ERBB4: variants seen among roughly 807,000 people sequenced by gnomAD.
The protein encoded by ERBB4 is receptor tyrosine-protein kinase erbB-4.
In ERBB4, 42 loss-of-function variants were observed where a neutral mutation model predicts 158.0. The ratio of observed to expected loss-of-function variants is 0.27; its 90% confidence interval spans 0.21 to 0.34. The LOEUF (loss-of-function observed/expected upper bound fraction) is 0.34. Among genes scored for constraint, ERBB4 ranks in the 10% least tolerant of loss-of-function variants. The pLI is 1.00. For missense variants in ERBB4, 1,333 were observed against 1,624.1 expected (o/e 0.82, Z 3.08); for synonymous variants, 583 against 558.7 (o/e 1.04, Z -0.61).
At chr2:211,552,771 T>G (rs2067134636) in intron 20 of ERBB4, among the ~76,000 whole-genome samples, 1 of 152,168 alleles carries the variant, frequency 6.6e-6, no homozygotes, top group Non-Finnish European at 1.5e-5. Flanking sequence ...AAAGATAGTT[T>G]CCTTAGAGCA....
chr2:211,490,849 A>G (rs73069182), intron 20 of ERBB4, among the ~76,000 whole-genome samples: 3,230 of 152,218 alleles, frequency 0.021, 136 homozygotes, highest in African/African-American at 0.074. Context: ...TGTTCTCAAG[A>G]AAAGTATTAC....
intron 1 of ERBB4, among the ~76,000 whole-genome samples, chr2:212,374,464 G>A (rs1042958788): frequency 6.6e-6 from 1 of 151,988 alleles, no homozygotes. Context: ...GTGACCAAGT[G>A]TGAACTTGCA....
chr2:211,565,644 G>A (rs73075194), intron 19 of ERBB4, among the ~76,000 whole-genome samples: 2,204 of 152,246 alleles, frequency 0.014, 37 homozygotes, highest in African/African-American at 0.042. Context: ...TTTTACCGCT[G>A]TTGAGTTCAG....
intron 20 of ERBB4, among the ~76,000 whole-genome samples, chr2:211,554,896 C>A (rs185451048): frequency 6.6e-6 from 1 of 152,226 alleles, no homozygotes; most frequent in Admixed American, 6.5e-5. Flanking sequence ...AAATTAATAC[C>A]TGAGTTAAAC....
chr2:212,433,707 A>C (rs1217427908), intron 1 of ERBB4, among the ~76,000 whole-genome samples: 1 of 152,020 alleles, frequency 6.6e-6, no homozygotes, highest in African/African-American at 2.4e-5. Context: ...TATATATATT[A>C]ATATCTTGAA....
chr2:211,839,284 G>A (rs539525236), intron 3 of ERBB4, among the ~76,000 whole-genome samples: 103 of 151,802 alleles, frequency 6.8e-4, no homozygotes, highest in Middle Eastern at 3.4e-3. Flanking sequence ...CACCCTTCAC[G>A]CTCATATTTC....
At chr2:212,286,084 C>A (rs1211759665) in intron 1 of ERBB4, among the ~76,000 whole-genome samples, 1 of 152,116 alleles carries the variant, frequency 6.6e-6, no homozygotes, top group East Asian at 1.9e-4. Flanking sequence ...CCTTGAGTGT[C>A]TCCTCATAAT....
intron 1 of ERBB4, among the ~76,000 whole-genome samples, chr2:212,326,182 C>G (rs2087821192): frequency 6.6e-6 from 1 of 150,634 alleles, no homozygotes; most frequent in African/African-American, 2.4e-5. Flanking sequence ...ATCCATAAAA[C>G]ACTTCAGGTC....
At chr2:212,170,417 G>A (rs111587551) in intron 1 of ERBB4, among the ~76,000 whole-genome samples, 1 of 152,186 alleles carries the variant, frequency 6.6e-6, no homozygotes, top group Non-Finnish European at 1.5e-5. Context: ...CAATAGAAAA[G>A]AGAAACCCAT....
Position 211,505,469 on chromosome 2 carries a change from G to A in ERBB4, c.2487+56434C>T, listed in dbSNP as rs1360564291. Among the ~76,000 whole-genome samples the A allele has an allele frequency of 4.7e-5, 7 of 149,956 alleles. No individual in the cohort carries two copies. In the South Asian group the frequency reaches 8.5e-4, roughly 18 times the overall value. On this transcript the variant is annotated intron_variant, in intron 20 of 27. Transcript: ENST00000342788. ...TTATGTTCAAAGGAATTCTAAACAC[G>A]AAAATGAAAGAATGATACTCACCAT...
chr2:212,341,926 T>C (rs2088736318), intron 1 of ERBB4, among the ~76,000 whole-genome samples: 1 of 152,116 alleles, frequency 6.6e-6, no homozygotes, highest in African/African-American at 2.4e-5. Context: ...TTTTATTTTT[T>C]AGAAATAATA....
intron 3 of ERBB4, among the ~76,000 whole-genome samples, chr2:211,905,728 G>T (rs2079370753): frequency 1.1e-5 from 1 of 88,792 alleles, no homozygotes; most frequent in Admixed American, 1.1e-4. Context: ...GTGTGTGTAT[G>T]TGTGTGCATG....
chr2:211,400,443 AC>A lies in ERBB4; in HGVS notation c.3136-12452del, dbSNP rs571934903. The stretch of plus-strand genomic sequence containing the variant: ...CCACAATAAAAGTATTTGCACAGTG[AC>A]ATGATTATCTGTGTGAGGGTAGAGG... On this transcript the variant is annotated intron_variant, in intron 25 of 27. Transcript: ENST00000342788. Among the ~76,000 whole-genome samples the A allele has an allele frequency of 6.6e-4, 101 of 152,262 alleles. 2 individuals are homozygous for A. The highest frequency in any genetic ancestry group is 7.8e-4 in the Non-Finnish European group (53 of 68,010).
In ERBB4 at chr2:211,380,543, A is replaced by G. The variant is rs2062557521; in HGVS notation, c.*3072T>C. The G allele has an allele frequency of 8.6e-6, 2 of 232,122 alleles. No individual in the cohort carries two copies. Among genetic ancestry groups the G allele is most frequent in the Non-Finnish European group, 1.7e-5 (2 of 117,442 alleles). 14.4% of individuals were successfully genotyped at this position (232,122 alleles called of 1,614,324 possible). Reference sequence around the variant, plus strand: ...TTGAAGACTTTAACTGACATTTTAAAATTCTACCCTACTGGACTAAATAAG... The same window carrying G: ...TTGAAGACTTTAACTGACATTTTAAGATTCTACCCTACTGGACTAAATAAG... On this transcript the variant is annotated 3_prime_UTR_variant, in exon 28 of 28. Transcript: ENST00000342788.
chr2:211,805,078 C>T (rs2076586126), intron 3 of ERBB4, among the ~76,000 whole-genome samples: 1 of 152,238 alleles, frequency 6.6e-6, no homozygotes, highest in South Asian at 2.1e-4. Flanking sequence ...TGCCACCACA[C>T]TCAGCTAAAT....
chr2:211,494,083 A>G (rs537175176), intron 20 of ERBB4, among the ~76,000 whole-genome samples: 2 of 152,102 alleles, frequency 1.3e-5, no homozygotes, highest in South Asian at 4.2e-4. Flanking sequence ...GCTCACTACA[A>G]CCTCTGCCTC....
intron 1 of ERBB4, among the ~76,000 whole-genome samples, chr2:212,187,350 C>T (rs1043697938): frequency 7.9e-5 from 12 of 151,630 alleles, no homozygotes; most frequent in Non-Finnish European, 1.2e-4. Context: ...GTGCAGCACA[C>T]CAGCATGGCA....
At chr2:212,195,258 A>T (rs867719444) in intron 1 of ERBB4, among the ~76,000 whole-genome samples, 19 of 152,120 alleles carry the variant, frequency 1.2e-4, no homozygotes, top group Middle Eastern at 3.4e-3. Context: ...GTATTTTAAA[A>T]AATTCTGAAT....
chr2:211,693,853 G>A lies in ERBB4; in HGVS notation c.1489+8114C>T, dbSNP rs1434377697. On this transcript the variant is annotated intron_variant, in intron 12 of 27. Transcript: ENST00000342788. ...CTTCTTGGGCTCTCAGAGGGAGAAT[G>A]TTCTATGGTCCTCCCCTAGCTTCTG... Among the ~76,000 whole-genome samples the A allele has an allele frequency of 2.6e-5, 4 of 152,124 alleles. 1 individual carries two copies. The highest frequency in any genetic ancestry group is 2.6e-4 in the Admixed American group (4 of 15,258).
Sources: allele counts gnomAD v4.1 joint callset (sites outside exome capture counted in the v4.1 genomes callset), GRCh38; gene constraint gnomAD v4.1.1; transcripts MANE v1.5; gene names NCBI Gene and HGNC (gene_info 2026-07-23, HGNC 2026-07-21).